Variants in PLEKHA8 observed in about 807,000 individuals in gnomAD.
PLEKHA8 encodes the protein pleckstrin homology domain containing A8.
In PLEKHA8, 36 loss-of-function variants were observed where a neutral mutation model predicts 68.2. That is an observed-to-expected ratio of 0.53 (90% CI 0.40 to 0.70). The LOEUF (loss-of-function observed/expected upper bound fraction) is 0.70. PLEKHA8 is among the 30% of genes least tolerant of loss of function. The probability of loss-of-function intolerance (pLI) is 0.00; values close to 1 mark genes in which losing one functional copy is unlikely to be tolerated. For missense variants in PLEKHA8, 505 were observed against 615.4 expected, an observed-to-expected ratio of 0.82 and a Z score of 1.90; for synonymous variants, 211 against 216.1, an observed-to-expected ratio of 0.98 and a Z score of 0.20.
At chr7:30,065,531 CT>C in intron 12 of PLEKHA8, among the ~76,000 whole-genome samples, 1 of 151,388 alleles carries the variant, frequency 6.6e-6, no homozygotes, top group Middle Eastern at 3.4e-3. Context: ...CATATTTCTT[CT>C]GGGATAATGG....
intron 10 of PLEKHA8, 126 bp downstream of exon 10, chr7:30,061,068 A>G (rs1793397830): frequency 1.2e-6 from 1 of 843,066 alleles, no homozygotes; most frequent in Non-Finnish European, 1.9e-6. Flanking sequence ...GAGAGCAAGC[A>G]TCTTTCTTCT....
intron 13 of PLEKHA8, among the ~76,000 whole-genome samples, chr7:30,121,826 C>T (rs1796702398): frequency 6.6e-6 from 1 of 152,166 alleles, no homozygotes; most frequent in African/African-American, 2.4e-5. Flanking sequence ...GGAAAAGATG[C>T]TGGCCTTGTC....
intron 13 of PLEKHA8, among the ~76,000 whole-genome samples, chr7:30,103,956 C>T (rs1409740958): frequency 6.6e-6 from 1 of 152,064 alleles, no homozygotes; most frequent in African/African-American, 2.4e-5. Context: ...ACAATACCTG[C>T]ACATATGGCT....
In PLEKHA8 at chr7:30,115,354, A is replaced by C. The variant is rs143758492; in HGVS notation, c.1363-13912A>C. Reference sequence around the variant, plus strand: ...CATAGAAGTGTTAGGAGGAAAATGCAAACTACTCATTGTACCACTACCTAA... The same window carrying C: ...CATAGAAGTGTTAGGAGGAAAATGCCAACTACTCATTGTACCACTACCTAA... On this transcript the variant is annotated intron_variant, in intron 13 of 13. Coordinates refer to the PLEKHA8 transcript ENST00000396257. 5.9e-3 allele frequency among the ~76,000 whole-genome samples: 899 copies of C among 152,270 alleles called. 10 individuals carry two copies. The highest frequency in any genetic ancestry group is 0.01 in the Non-Finnish European group (686 of 68,014).
chr7:30,058,743 A>G (rs1793198987), intron 9 of PLEKHA8, among the ~76,000 whole-genome samples: 1 of 152,122 alleles, frequency 6.6e-6, no homozygotes, highest in South Asian at 2.1e-4. Flanking sequence ...GATAAATTTT[A>G]GCTGTTCAAT....
At chr7:30,074,551 G>A (rs144395389) in intron 13 of PLEKHA8, among the ~76,000 whole-genome samples, 70 of 152,266 alleles carry the variant, frequency 4.6e-4, no homozygotes, top group Non-Finnish European at 5.9e-4. Context: ...GCAGAAGTAC[G>A]TAGGAAGCAG....
chr7:30,094,609 C>T (rs960696635), downstream of PLEKHA8, among the ~76,000 whole-genome samples: 2 of 151,574 alleles, frequency 1.3e-5, no homozygotes. Flanking sequence ...GTGTGCTGCA[C>T]CCATTAACTC....
At chr7:30,067,670 G>T (rs991340042) in intron 12 of PLEKHA8, among the ~76,000 whole-genome samples, 1 of 152,064 alleles carries the variant, frequency 6.6e-6, no homozygotes, top group African/African-American at 2.4e-5. Context: ...ATATATTTAT[G>T]TGTCCATAAG....
At chr7:30,070,822 G>T (rs1794189016) in intron 12 of PLEKHA8, among the ~76,000 whole-genome samples, 1 of 152,190 alleles carries the variant, frequency 6.6e-6, no homozygotes, top group South Asian at 2.1e-4. Context: ...GGGATTATAG[G>T]CGTGAGCCAC....
Position 30,080,379 on chromosome 7 carries a change from A to G in PLEKHA8, c.*1592A>G. Reference sequence around the variant, plus strand: ...TTCTAGTAACAGGAAGGGAAGTTCCAGCATGAGGTAGTTATCCAGGGTAGA... The same window carrying G: ...TTCTAGTAACAGGAAGGGAAGTTCCGGCATGAGGTAGTTATCCAGGGTAGA... On this transcript the variant is annotated 3_prime_UTR_variant, in exon 14 of 14. Coordinates refer to ENST00000449726, the MANE Select transcript of PLEKHA8 (RefSeq NM_001197026.2). The G allele has an allele frequency of 1.0e-6, 1 of 985,298 alleles. No individual in the cohort carries two copies. Among genetic ancestry groups the G allele is most frequent in the Non-Finnish European group, 1.2e-6 (1 of 829,892 alleles). The allele number at this position is 985,298 out of a possible 1,614,324, so 61.0% of individuals were successfully genotyped here.
At chr7:30,037,120 C>T (rs1270008956) in intron 1 of PLEKHA8, among the ~76,000 whole-genome samples, 2 of 152,078 alleles carry the variant, frequency 1.3e-5, no homozygotes, top group Admixed American at 6.6e-5. Flanking sequence ...AATTGCTCTG[C>T]TTTGCTTCAA....
In PLEKHA8 at chr7:30,054,777, T is replaced by C. The variant is rs1764367770; in HGVS notation, c.865T>C (p.Ser289Pro). The change falls in exon 8 of 14, where the codon TCT (serine) becomes CCT (proline). Residue 289 changes from serine (S) to proline (P), a missense_variant. Physicochemically the swap from Ser to Pro is moderately conservative, Grantham distance 74. Transcript: ENST00000449726. ...LKNHDNNLTQ[S>P]GSDSSCSPEC... ...AAATCATGACAATAACTTGACTCAG[T>C]CTGGATCAGACTCAAGTTGCTCTCC... 7.5e-6 allele frequency: 12 copies of C among 1,609,950 alleles called. No homozygotes were observed. The highest frequency in any genetic ancestry group is 1.7e-5 in the Admixed American group (1 of 59,626).
At chr7:30,054,973 A>C (rs1258410658) in intron 8 of PLEKHA8, 108 bp downstream of exon 8, 26 of 1,129,550 alleles carry the variant, frequency 2.3e-5, no homozygotes, top group Non-Finnish European at 3.3e-5. Context: ...AGAATAGAGA[A>C]TGTGGTATAC....
intron 13 of PLEKHA8, among the ~76,000 whole-genome samples, chr7:30,111,604 T>G (rs1000018590): frequency 6.6e-6 from 1 of 152,258 alleles, no homozygotes; most frequent in East Asian, 1.9e-4. Flanking sequence ...AAAATGGACA[T>G]TTATTTTATT....
chr7:30,077,656 C>T (rs1205673451), intron 13 of PLEKHA8, among the ~76,000 whole-genome samples: 1 of 152,182 alleles, frequency 6.6e-6, no homozygotes, highest in Non-Finnish European at 1.5e-5. Context: ...GCTTTAGCCA[C>T]TGCATGATAA....
Position 30,046,296 on chromosome 7 carries a change from C to T in PLEKHA8, c.244C>T (p.Gln82Ter), listed in dbSNP as rs1791955702. The T allele has an allele frequency of 6.2e-7, 1 of 1,613,854 alleles. No individual in the cohort carries two copies. Among genetic ancestry groups the T allele is most frequent in the Non-Finnish European group, 8.5e-7 (1 of 1,179,914 alleles). ...GAAGGCCAGAAGTGTGGCTGAAAGACAGCGGTGGCTGGTGGCCCTGGGATC... is the reference window on the plus strand; with the variant it reads ...GAAGGCCAGAAGTGTGGCTGAAAGATAGCGGTGGCTGGTGGCCCTGGGATC... ...YLKARSVAER[Q>*]RWLVALGSAK... The change falls in exon 3 of 14, where the codon CAG becomes TAG. Residue 82 changes from glutamine to a stop codon, truncating the protein, a stop_gained. Transcript: ENST00000449726. LOFTEE classifies it high-confidence loss of function.
chr7:30,046,866 C>A (rs1792001144), intron 3 of PLEKHA8, among the ~76,000 whole-genome samples: 1 of 152,124 alleles, frequency 6.6e-6, no homozygotes, highest in African/African-American at 2.4e-5. Context: ...GGGATGGATG[C>A]TTAATTGTCA....
intron 1 of PLEKHA8, 87 bp from the exon 2 acceptor site, chr7:30,044,998 A>G (rs541636169): frequency 2.4e-6 from 2 of 843,642 alleles, no homozygotes; most frequent in East Asian, 2.7e-5. Context: ...CTAACCCAGT[A>G]TCCTATGTTA....
At position 30,078,727 on chromosome 7, in the gene PLEKHA8, G is replaced by T. The variant is rs1275596383; in HGVS notation, c.1500G>T (p.Gln500His). The T allele has an allele frequency of 2.5e-6, 4 of 1,613,854 alleles. No homozygotes were observed. Among genetic ancestry groups the T allele is most frequent in the South Asian group, 1.1e-5 (1 of 91,086 alleles). The change falls in exon 14 of 14, where the codon CAG (glutamine) becomes CAT (histidine). Residue 500 changes from glutamine to histidine, a missense_variant. Gln to His is a conservative substitution (Grantham distance 24). Coordinates refer to ENST00000449726, the MANE Select transcript of PLEKHA8 (RefSeq NM_001197026.2). The part of the protein sequence containing the change: ...LSLYLPAMEK[Q>H]LAILDTLYEV... Reference sequence around the variant, plus strand: ...TTTACCTCCCTGCCATGGAGAAGCAGCTGGCCATACTGGACACTTTATATG... The same window carrying T: ...TTTACCTCCCTGCCATGGAGAAGCATCTGGCCATACTGGACACTTTATATG...
Sources: allele counts gnomAD v4.1 joint callset (sites outside exome capture counted in the v4.1 genomes callset), GRCh38; gene constraint gnomAD v4.1.1; transcripts MANE v1.5; gene names NCBI Gene and HGNC (gene_info 2026-07-23, HGNC 2026-07-21).